ACCSL: variants seen among roughly 807,000 people sequenced by gnomAD.
ACCSL encodes probable inactive 1-aminocyclopropane-1-carboxylate synthase-like protein 2.
Under a neutral mutation model 61.7 loss-of-function variants are expected in ACCSL, and 55 were observed. The observed-to-expected ratio is 0.89, with a 90% confidence interval of 0.72 to 1.12. ACCSL has a LOEUF of 1.12. ACCSL is among the 50% of genes most tolerant of loss of function. The pLI is 0.00. For synonymous variants in ACCSL, 258 were observed against 264.3 expected (o/e 0.98, Z 0.23); for missense variants, 632 against 698.0 (o/e 0.91, Z 1.07).
intron 11 of ACCSL, among the ~76,000 whole-genome samples, chr11:44,057,629 A>G (rs1952679410): frequency 6.6e-6 from 1 of 152,214 alleles, no homozygotes; most frequent in African/African-American, 2.4e-5. Flanking sequence ...AGGCACACAT[A>G]TATTCCTCCG....
At chr11:44,029,505 C>A in the ACCSL span, among the ~76,000 whole-genome samples, 26 of 152,180 alleles carry the variant, frequency 1.7e-4, no homozygotes, top group African/African-American at 6.3e-4. Context: ...GTCATTATTG[C>A]TGAATGAATG....
the ACCSL span, among the ~76,000 whole-genome samples, chr11:44,035,124 C>T: frequency 6.6e-6 from 1 of 152,148 alleles, no homozygotes; most frequent in Non-Finnish European, 1.5e-5. Context: ...GCCCAACTAT[C>T]CTACCTAAAT....
chr11:44,003,916 C>T, the ACCSL span, among the ~76,000 whole-genome samples: 2 of 152,154 alleles, frequency 1.3e-5, no homozygotes, highest in Non-Finnish European at 2.9e-5. Flanking sequence ...CTCACCAGGC[C>T]CTCACCCTCT....
At chr11:44,029,781 A>C in the ACCSL span, among the ~76,000 whole-genome samples, 2 of 151,980 alleles carry the variant, frequency 1.3e-5, no homozygotes, top group Non-Finnish European at 2.9e-5. Context: ...GGCCCTCCAG[A>C]GGAGCAGTGT....
the ACCSL span, among the ~76,000 whole-genome samples, chr11:44,000,299 A>G: frequency 6.6e-6 from 1 of 151,988 alleles, no homozygotes; most frequent in African/African-American, 2.4e-5. Context: ...TAATTTTTGT[A>G]TTTTTAGTAG....
chr11:43,963,545 T>C, the ACCSL span, among the ~76,000 whole-genome samples: 1 of 152,334 alleles, frequency 6.6e-6, no homozygotes, highest in South Asian at 2.1e-4. Context: ...CTTGGGTCTC[T>C]GAACTACTGA....
At chr11:43,969,193 A>C in the ACCSL span, among the ~76,000 whole-genome samples, 8 of 151,980 alleles carry the variant, frequency 5.3e-5, no homozygotes, top group Non-Finnish European at 1.0e-4. Flanking sequence ...TACCAAAAAA[A>C]CAAAAACAAA....
the ACCSL span, among the ~76,000 whole-genome samples, chr11:43,924,458 C>G: frequency 2.0e-5 from 3 of 152,218 alleles, no homozygotes; most frequent in African/African-American, 7.2e-5. Context: ...CGGTGGGCGC[C>G]TGAGGGCCTT....
At chr11:43,962,682 C>T in the ACCSL span, among the ~76,000 whole-genome samples, 7 of 152,144 alleles carry the variant, frequency 4.6e-5, no homozygotes, top group Non-Finnish European at 8.8e-5. Flanking sequence ...GGAAAAAAGG[C>T]GTGGCTAAAC....
chr11:44,058,836 C>T (rs1185179094), intron 13 of ACCSL, 137 bp downstream of exon 13: 1 of 1,106,626 alleles, frequency 9.0e-7, no homozygotes. Context: ...TAGTTAGGTG[C>T]TCTTGCAAAC....
chr11:44,002,856 G>A, the ACCSL span, among the ~76,000 whole-genome samples: 1 of 152,158 alleles, frequency 6.6e-6, no homozygotes, highest in Non-Finnish European at 1.5e-5. Context: ...CACCGGGTAG[G>A]GGAGCTGCTC....
the ACCSL span, chr11:43,926,694 TAAAAAG>T: frequency 4.6e-4 from 148 of 324,726 alleles, no homozygotes; most frequent in South Asian, 1.3e-3. Context: ...AAAAGAAAGA[TAAAAAG>T]AGAAAGCGTT....
At chr11:44,013,590 G>C in the ACCSL span, among the ~76,000 whole-genome samples, 1 of 152,216 alleles carries the variant, frequency 6.6e-6, no homozygotes, top group Non-Finnish European at 1.5e-5. Context: ...ACCACGCCTG[G>C]CCAAGCACGT....
At position 44,047,999 on chromosome 11, in the gene ACCSL, C is replaced by T. The variant is rs947365245; in HGVS notation, c.-38C>T. ...TCAATGGTCTCTTTCTCCATAGGTG[C>T]CAGGCAGCCTTCAGAGGCCAGTAAA... is the stretch of plus-strand genomic sequence containing the variant. On this transcript the variant is annotated 5_prime_UTR_variant, in exon 1 of 14. Transcript: ENST00000378832. The T allele has an allele frequency of 5.7e-6, 9 of 1,583,860 alleles. No homozygotes were observed. The African/African-American group carries it at 1.2e-4, about 21-fold the overall frequency.
At chr11:43,993,009 C>A in the ACCSL span, among the ~76,000 whole-genome samples, 39 of 152,350 alleles carry the variant, frequency 2.6e-4, no homozygotes, top group Non-Finnish European at 5.0e-4. Context: ...GGAGGCACAG[C>A]TGCTCTTAAA....
the ACCSL span, among the ~76,000 whole-genome samples, chr11:44,000,899 A>C: frequency 9.2e-5 from 14 of 152,324 alleles, no homozygotes; most frequent in East Asian, 2.7e-3. Flanking sequence ...AGGTACTGAG[A>C]GACAACTATG....
At chr11:43,941,959 A>T in the ACCSL span, among the ~76,000 whole-genome samples, 1 of 151,860 alleles carries the variant, frequency 6.6e-6, no homozygotes, top group African/African-American at 2.4e-5. Context: ...TGGGGGAGTG[A>T]GGAGACAAAC....
chr11:44,042,251 T>C, the ACCSL span, among the ~76,000 whole-genome samples: 1 of 152,338 alleles, frequency 6.6e-6, no homozygotes, highest in African/African-American at 2.4e-5. Flanking sequence ...TTTAAATATA[T>C]GGTAGAATTC....
chr11:43,931,699 G>A, the ACCSL span, among the ~76,000 whole-genome samples: 1 of 152,190 alleles, frequency 6.6e-6, no homozygotes, highest in Non-Finnish European at 1.5e-5. Flanking sequence ...CTTTTTGTTG[G>A]TGCCTGGCAA....
Sources: allele counts gnomAD v4.1 joint callset (sites outside exome capture counted in the v4.1 genomes callset), GRCh38; gene constraint gnomAD v4.1.1; transcripts MANE v1.5; gene names NCBI Gene and HGNC (gene_info 2026-07-23, HGNC 2026-07-21).